NFYC: variants seen among roughly 807,000 people sequenced by gnomAD.
NFYC encodes the protein nuclear transcription factor Y subunit gamma, also known as CAAT box DNA-binding protein subunit C.
Under a neutral mutation model 53.1 loss-of-function variants are expected in NFYC, and 25 were observed. The ratio of observed to expected loss-of-function variants is 0.47; its 90% CI spans 0.34 to 0.66. NFYC has a LOEUF of 0.66. Among genes scored for constraint, NFYC ranks in the 30% least tolerant of loss-of-function variants. The pLI is 0.01. For synonymous variants in NFYC, 145 were observed against 152.6 expected, an observed-to-expected ratio of 0.95 and a Z score of 0.37; for missense variants, 260 against 422.7, an observed-to-expected ratio of 0.62 and a Z score of 3.38.
chr1:40,724,436 G>A (rs1459680423), intron 1 of NFYC, among the ~76,000 whole-genome samples: 1 of 152,156 alleles, frequency 6.6e-6, no homozygotes, highest in Non-Finnish European at 1.5e-5. Flanking sequence ...CTAAAAACAG[G>A]CTGTAGGCCA....
chr1:40,759,834 T>A (rs1168367488), intron 6 of NFYC, among the ~76,000 whole-genome samples: 8 of 152,100 alleles, frequency 5.3e-5, no homozygotes, highest in Admixed American at 5.2e-4. Flanking sequence ...GTAGTCAGCG[T>A]AGGGGACCAT....
At chr1:40,728,386 C>G (rs1014620622) in intron 1 of NFYC, among the ~76,000 whole-genome samples, 2 of 152,008 alleles carry the variant, frequency 1.3e-5, no homozygotes, top group African/African-American at 2.4e-5. Flanking sequence ...TACTTGAAAT[C>G]AAGAGTTTGA....
chr1:40,766,788 G>A, intron 8 of NFYC, 85 bp downstream of exon 8: 1 of 1,500,454 alleles, frequency 6.7e-7, no homozygotes, highest in South Asian at 1.1e-5. Context: ...GCACACAGCT[G>A]TCTTGCCACC....
chr1:40,737,787 A>G (rs1038741954), intron 1 of NFYC, among the ~76,000 whole-genome samples: 2 of 152,264 alleles, frequency 1.3e-5, no homozygotes, highest in South Asian at 2.1e-4. Context: ...TAATGGCCTC[A>G]TGTCCTTTGA....
chr1:40,760,739 T>A (rs140039116), intron 6 of NFYC, among the ~76,000 whole-genome samples: 4 of 151,834 alleles, frequency 2.6e-5, no homozygotes, highest in African/African-American at 9.7e-5. Context: ...AAGGTAATTA[T>A]GATTTTAGGA....
intron 7 of NFYC, among the ~76,000 whole-genome samples, chr1:40,765,298 A>G (rs1176904909): frequency 6.6e-6 from 1 of 152,146 alleles, no homozygotes; most frequent in Non-Finnish European, 1.5e-5. Flanking sequence ...CAGATTTTTA[A>G]TGGGTTTAGA....
At chr1:40,749,191 A>C (rs893541887) in intron 3 of NFYC, among the ~76,000 whole-genome samples, 9 of 152,040 alleles carry the variant, frequency 5.9e-5, no homozygotes, top group Non-Finnish European at 1.0e-4. Flanking sequence ...TTTTATCCAA[A>C]TCCATTGGCT....
chr1:40,712,625 G>A (rs909226624), intron 1 of NFYC: 15 of 139,852 alleles, frequency 1.1e-4, no homozygotes, highest in African/African-American at 3.7e-4. Flanking sequence ...ATAGCCTGCT[G>A]TATAGTAAGC....
Position 40,771,074 on chromosome 1 carries a change from G to A in NFYC, c.*246G>A, listed in dbSNP as rs1316996248. ...CAATATTTCAATATGTTGAGTGTGT[G>A]TCCAATGCTATGAAATTAAAATATT... On this transcript the variant is annotated 3_prime_UTR_variant, in exon 10 of 10. Transcript: ENST00000447388. The A allele has an allele frequency of 7.3e-6, 4 of 550,598 alleles. No individual in the cohort carries two copies. Among genetic ancestry groups the A allele is most frequent in the Non-Finnish European group, 1.3e-5 (4 of 311,196 alleles). 34.1% of individuals were successfully genotyped at this position (550,598 alleles called of 1,614,324 possible).
intron 2 of NFYC, among the ~76,000 whole-genome samples, chr1:40,742,350 A>G (rs1469080494): frequency 6.6e-6 from 1 of 152,002 alleles, no homozygotes; most frequent in Non-Finnish European, 1.5e-5. Flanking sequence ...GTGTTACATG[A>G]GTGTGCAAAT....
intron 1 of NFYC, among the ~76,000 whole-genome samples, chr1:40,700,137 CAA>C (rs1167614094): frequency 2.6e-5 from 4 of 152,114 alleles, no homozygotes; most frequent in Non-Finnish European, 5.9e-5. Flanking sequence ...TTTCTGAGAA[CAA>C]GATACATCTT....
At chr1:40,725,339 A>C (rs1332957869) in intron 1 of NFYC, among the ~76,000 whole-genome samples, 1 of 152,190 alleles carries the variant, frequency 6.6e-6, no homozygotes, top group South Asian at 2.1e-4. Flanking sequence ...TTCAGTATAC[A>C]TCATTGCTGG....
At position 40,770,746 on chromosome 1, in the gene NFYC, G is replaced by C; in HGVS notation, c.926G>C (p.Gly309Ala). ...YQIQQVTMPA[G>A]QDLAQPMFIQ... Reference sequence around the variant, plus strand: ...ATCCAGCAAGTCACCATGCCTGCGGGCCAGGACCTCGCCCAGCCCATGTTC... The same window carrying C: ...ATCCAGCAAGTCACCATGCCTGCGGCCCAGGACCTCGCCCAGCCCATGTTC... Residue 309 changes from glycine to alanine, a missense_variant, in exon 10 of 10, where the codon GGC (glycine) becomes GCC (alanine). Physicochemically the swap from Gly to Ala is moderately conservative, Grantham distance 60. Coordinates refer to ENST00000447388, the MANE Select transcript of NFYC (RefSeq NM_014223.5). The surrounding 1 kb of genome is among the most constrained non-coding windows in gnomAD (Gnocchi z 5.3). The C allele has an allele frequency of 6.2e-7, 1 of 1,613,992 alleles. No homozygotes were observed. The highest frequency in any genetic ancestry group is 8.5e-7 in the Non-Finnish European group (1 of 1,180,034).
intron 2 of NFYC, among the ~76,000 whole-genome samples, chr1:40,741,560 G>A (rs1006691438): frequency 6.6e-6 from 1 of 151,556 alleles, no homozygotes; most frequent in East Asian, 1.9e-4. Context: ...CATGTCTGTT[G>A]AAGCATGTGA....
At chr1:40,766,404 T>C (rs1374094630) in intron 7 of NFYC, among the ~76,000 whole-genome samples, 192 bp from the exon 8 acceptor site, 1 of 152,182 alleles carries the variant, frequency 6.6e-6, no homozygotes, top group African/African-American at 2.4e-5. Context: ...TTCTGTGCTG[T>C]GTGACTTGTG....
intron 2 of NFYC, among the ~76,000 whole-genome samples, chr1:40,745,705 A>T (rs1223134640): frequency 6.7e-6 from 1 of 149,920 alleles, no homozygotes; most frequent in African/African-American, 2.5e-5. Context: ...CCAATCCCTC[A>T]CTCTCCCTCC....
intron 2 of NFYC, among the ~76,000 whole-genome samples, chr1:40,745,115 G>A (rs891077801): frequency 1.1e-4 from 17 of 152,174 alleles, no homozygotes; most frequent in Non-Finnish European, 2.9e-5. Context: ...TCTGCAAGGC[G>A]GGAATGATCT....
chr1:40,703,963 A>C (rs1236734886), intron 1 of NFYC, among the ~76,000 whole-genome samples: 6 of 152,224 alleles, frequency 3.9e-5, no homozygotes, highest in Admixed American at 2.0e-4. Flanking sequence ...GCAGGTAGCT[A>C]TGATTCAGAA....
intron 1 of NFYC, chr1:40,723,178 C>G (rs1457403992): frequency 6.6e-6 from 1 of 152,156 alleles, no homozygotes; most frequent in Non-Finnish European, 1.5e-5. Context: ...ATGAAACATT[C>G]TTCAGAATCA....
Sources: gnomAD v4.1 joint callset for allele counts (sites outside exome capture counted in the v4.1 genomes callset) on GRCh38, gnomAD v4.1.1 for gene constraint, Gnocchi (gnomAD v3.1) non-coding constraint, MANE v1.5 for transcripts, NCBI Gene and HGNC (gene_info 2026-07-23, HGNC 2026-07-21) for gene names.